The following CREBRF variants were observed in gnomAD, a reference collection of about 807,000 sequenced individuals.
CREBRF encodes the protein CREB3 regulatory factor, also known as UPF0474 protein C5orf41.
In CREBRF, 5 loss-of-function variants were observed where a neutral mutation model predicts 66.1. The observed-to-expected ratio is 0.08, with a 90% CI of 0.04 to 0.16. The LOEUF (loss-of-function observed/expected upper bound fraction) is 0.16, where lower values mean the gene tolerates loss of function less well. Ranked by LOEUF, CREBRF falls within the 10% of genes least tolerant of loss-of-function variation. The pLI, the probability that CREBRF is intolerant of heterozygous loss-of-function variation, is 1.00. For missense variants in CREBRF, 531 were observed against 744.9 expected (o/e 0.71, Z 3.34); for synonymous variants, 229 against 264.4 (o/e 0.87, Z 1.30).
intron 4 of CREBRF, 109 bp from the exon 5 acceptor site, chr5:173,108,515 T>C: frequency 2.2e-6 from 2 of 902,246 alleles, no homozygotes; most frequent in South Asian, 3.2e-5. Flanking sequence ...AATGATGTTT[T>C]CAGATGCAAG....
intron 4 of CREBRF, chr5:173,092,290 C>T: frequency 1.0e-6 from 1 of 981,390 alleles, no homozygotes; most frequent in Non-Finnish European, 1.2e-6. Flanking sequence ...TCGTATTTTC[C>T]TATTTAAGAA....
intron 8 of CREBRF, among the ~76,000 whole-genome samples, chr5:173,128,781 TTTTA>T (rs772546044): frequency 1.4e-3 from 209 of 152,158 alleles, no homozygotes; most frequent in Non-Finnish European, 2.2e-3. Flanking sequence ...TTTTATTTTA[TTTTA>T]TTTATTTATT....
chr5:173,091,726 G>C, intron 4 of CREBRF: 1 of 1,023,918 alleles, frequency 9.8e-7, no homozygotes, highest in Non-Finnish European at 1.2e-6. Flanking sequence ...TATGTTAAGT[G>C]ACCTGTTTTG....
At chr5:173,091,480 G>C in intron 4 of CREBRF, 79 bp downstream of exon 4, 3 of 1,529,608 alleles carry the variant, frequency 2.0e-6, no homozygotes, top group South Asian at 1.3e-5. Flanking sequence ...TTTCTGTTTT[G>C]TTTGGATAAT....
In CREBRF at chr5:173,086,643, T is replaced by C. The variant is rs1758157695; in HGVS notation, c.135+17T>C. On this transcript the variant is annotated intron_variant, in intron 3 of 8. Transcript: ENST00000296953. ...TATGAACTGGTAAGCAACATTTTCT[T>C]GGTTTTGGTCTTGATTGATTTGGGG... is the stretch of plus-strand genomic sequence containing the variant. The C allele has an allele frequency of 6.2e-7, 1 of 1,602,060 alleles. No individual in the cohort carries two copies. Among genetic ancestry groups the C allele is most frequent in the Non-Finnish European group, 8.5e-7 (1 of 1,175,134 alleles).
In CREBRF at chr5:173,138,720, A is replaced by T. The variant is rs1759643770; in HGVS notation, c.*4975A>T. 6.6e-6 allele frequency: 1 copy of T among 152,154 alleles called. No homozygotes were observed. Among genetic ancestry groups the T allele is most frequent in the Non-Finnish European group, 1.5e-5 (1 of 68,028 alleles). The allele number at this position is 152,154 out of a possible 1,614,324, so 9.4% of individuals were successfully genotyped here. On this transcript the variant is annotated 3_prime_UTR_variant, in exon 9 of 9. Coordinates refer to ENST00000296953, the MANE Select transcript of CREBRF (RefSeq NM_153607.3). ...GCCCTTCGCCCTTTGTTTTTTTCAG[A>T]ACCAAATAACAGAAATGTGTATGTG...
rs923890609 is a variant in CREBRF at position 173,091,407 on chromosome 5, A to C, written c.1222+6A>C. On this transcript the variant is annotated splice_donor_region_variant and intron_variant, in intron 4 of 8. Coordinates refer to ENST00000296953, the MANE Select transcript of CREBRF (RefSeq NM_153607.3). Reference sequence around the variant, plus strand: ...TGATACTTTCTCTGAACCAGGTATTATAATGCTTGCAAGCTTACCAGACTG... The same window carrying C: ...TGATACTTTCTCTGAACCAGGTATTCTAATGCTTGCAAGCTTACCAGACTG... 7.4e-6 allele frequency: 12 copies of C among 1,612,382 alleles called. No homozygotes were observed. The highest frequency in any genetic ancestry group is 1.0e-5 in the Non-Finnish European group (12 of 1,178,736).
At chr5:173,073,168 GC>G (rs752778637) in intron 1 of CREBRF, among the ~76,000 whole-genome samples, 4 of 152,182 alleles carry the variant, frequency 2.6e-5, no homozygotes, top group African/African-American at 4.8e-5. Context: ...GATCTCTGAG[GC>G]CCAAAGAGTA....
chr5:173,095,479 G>A (rs1276942850), intron 4 of CREBRF, among the ~76,000 whole-genome samples: 2 of 152,078 alleles, frequency 1.3e-5, no homozygotes, highest in African/African-American at 4.8e-5. Context: ...ATGAGCCACC[G>A]TGCCTGGCCT....
At chr5:173,063,454 G>C (rs1266032108) in intron 1 of CREBRF, among the ~76,000 whole-genome samples, 1 of 151,840 alleles carries the variant, frequency 6.6e-6, no homozygotes, top group Non-Finnish European at 1.5e-5. Context: ...TGCAACCTCT[G>C]CCTCCTGGGT....
intron 5 of CREBRF, 164 bp from the exon 6 acceptor site, chr5:173,110,358 G>C: frequency 8.5e-6 from 6 of 706,034 alleles, no homozygotes. Flanking sequence ...GAGGAGGCCA[G>C]CCCTTCTAGG....
intron 1 of CREBRF, among the ~76,000 whole-genome samples, chr5:173,059,880 G>A (rs180742762): frequency 1.1e-4 from 17 of 152,306 alleles, no homozygotes; most frequent in Non-Finnish European, 2.2e-4. Context: ...AATAGCTCCC[G>A]AAGAGAGTCT....
At chr5:173,102,938 TCTTGA>T (rs1284916674) in intron 4 of CREBRF, among the ~76,000 whole-genome samples, 2 of 152,194 alleles carry the variant, frequency 1.3e-5, no homozygotes, top group African/African-American at 4.8e-5. Flanking sequence ...ATCCTTGATC[TCTTGA>T]CTTCATTCCT....
At chr5:173,116,914 A>G (rs567543447) in intron 7 of CREBRF, among the ~76,000 whole-genome samples, 4 of 152,276 alleles carry the variant, frequency 2.6e-5, no homozygotes, top group Admixed American at 6.5e-5. Context: ...TCTTATTTTT[A>G]CAAATCTAAT....
intron 8 of CREBRF, among the ~76,000 whole-genome samples, chr5:173,127,139 T>TA (rs1759292839): frequency 6.6e-6 from 1 of 151,604 alleles, no homozygotes; most frequent in Admixed American, 6.6e-5. Flanking sequence ...TGGACCAGTT[T>TA]AAATGGGTTG....
intron 1 of CREBRF, among the ~76,000 whole-genome samples, chr5:173,061,861 AT>A (rs1363498750): frequency 5.9e-5 from 9 of 152,150 alleles, no homozygotes; most frequent in African/African-American, 1.4e-4. Flanking sequence ...GAAATACTAA[AT>A]TTTTTTGATA....
At chr5:173,062,437 C>T (rs1474656738) in intron 1 of CREBRF, among the ~76,000 whole-genome samples, 2 of 152,154 alleles carry the variant, frequency 1.3e-5, no homozygotes, top group Non-Finnish European at 1.5e-5. Context: ...AGGAATTAAT[C>T]ACCGTCTGTT....
rs542167717 is a variant in CREBRF, at chr5:173,129,976, C to T, written c.1805-3654C>T. On this transcript the variant is annotated intron_variant, in intron 8 of 8. Transcript: ENST00000296953. Reference sequence around the variant, plus strand: ...GAGTAGCTGGGATTACAGGCACATGCCACCACGCCTGGCTAATTTTTGTAT... The same window carrying T: ...GAGTAGCTGGGATTACAGGCACATGTCACCACGCCTGGCTAATTTTTGTAT... Among the ~76,000 whole-genome samples, 510 of 152,166 alleles carry T rather than the reference C, an allele frequency of 3.4e-3. 5 individuals carry two copies. Among genetic ancestry groups the T allele is most frequent in the African/African-American group, 0.012 (478 of 41,498 alleles).
intron 1 of CREBRF, among the ~76,000 whole-genome samples, chr5:173,060,863 C>G (rs251247): frequency 0.95 from 144,798 of 152,266 alleles, 68,938 homozygotes; most frequent in East Asian, 1. Flanking sequence ...TTTTTGGGCT[C>G]TATTCCAATA....
Sources: gnomAD v4.1 joint callset for allele counts (sites outside exome capture counted in the v4.1 genomes callset) on GRCh38, gnomAD v4.1.1 for gene constraint, MANE v1.5 for transcripts, NCBI Gene and HGNC (gene_info 2026-07-23, HGNC 2026-07-21) for gene names.